ZC3H11A: variants seen among roughly 807,000 people sequenced by gnomAD.
ZC3H11A encodes zinc finger CCCH-type containing 11A.
In ZC3H11A, 22 loss-of-function variants were observed where a neutral mutation model predicts 90.8. The ratio of observed to expected loss-of-function variants is 0.24; its 90% CI spans 0.17 to 0.35. ZC3H11A has a LOEUF of 0.35. Among genes scored for constraint, ZC3H11A ranks in the 10% least tolerant of loss-of-function variants. The pLI is 1.00. For missense variants in ZC3H11A, 701 were observed against 964.9 expected, an observed-to-expected ratio of 0.73 and a Z score of 3.62; for synonymous variants, 294 against 339.8, an observed-to-expected ratio of 0.87 and a Z score of 1.48.
intron 2 of ZC3H11A, among the ~76,000 whole-genome samples, chr1:203,809,481 C>CT (rs556683369): frequency 1.3e-5 from 2 of 152,036 alleles, no homozygotes; most frequent in African/African-American, 4.8e-5. Context: ...CAGCCCCACT[C>CT]TTTTTTCATA....
rs996980429 is a variant in ZC3H11A at position 203,801,711 on chromosome 1, T to G, written c.-1451T>G. On this transcript the variant is annotated 5_prime_UTR_variant, in exon 2 of 18. Transcript: ENST00000367210. The stretch of plus-strand genomic sequence containing the variant: ...TATTTGGCAAGATTTAGCCTAGAAA[T>G]TATGTAGTATTTATTACATAAGAAT... The G allele has an allele frequency of 6.5e-6, 1 of 152,704 alleles. No homozygotes were observed. The highest frequency in any genetic ancestry group is 1.5e-5 in the Non-Finnish European group (1 of 68,006). The allele number at this position is 152,704 out of a possible 1,614,324, so 9.5% of individuals were successfully genotyped here. A position where few individuals can be genotyped will look rare whatever the true frequency, so the allele number is the denominator to read the frequency against.
intron 2 of ZC3H11A, among the ~76,000 whole-genome samples, chr1:203,810,989 A>C (rs1225651341): frequency 2.0e-5 from 3 of 151,920 alleles, no homozygotes; most frequent in Non-Finnish European, 4.4e-5. Context: ...AAAAAAAAAA[A>C]AATTAGCAGG....
intron 10 of ZC3H11A, among the ~76,000 whole-genome samples, chr1:203,834,587 G>A (rs773171701): frequency 1.3e-5 from 2 of 152,040 alleles, no homozygotes; most frequent in African/African-American, 4.8e-5. Context: ...TTTATTTTTG[G>A]GGGAGTACTT....
intron 17 of ZC3H11A, among the ~76,000 whole-genome samples, chr1:203,851,820 A>G (rs182115888): frequency 2.0e-5 from 3 of 151,888 alleles, no homozygotes; most frequent in African/African-American, 7.2e-5. Flanking sequence ...AGAAATAAAA[A>G]AAAAATCACA....
intron 8 of ZC3H11A, 117 bp from the exon 9 acceptor site, chr1:203,831,544 T>G: frequency 1.3e-6 from 1 of 780,262 alleles, no homozygotes. Flanking sequence ...GCTGATTGGC[T>G]TATAGTCATA....
At chr1:203,799,250 T>A in intron 1 of ZC3H11A, 3 of 810,808 alleles carry the variant, frequency 3.7e-6, no homozygotes, top group Non-Finnish European at 6.2e-6. Flanking sequence ...TCAAAGATGG[T>A]GGTTTTACCC....
In ZC3H11A at chr1:203,833,752, T is replaced by C. The variant is rs368829571; in HGVS notation, c.812-39T>C. 3.5e-5 allele frequency: 55 copies of C among 1,581,662 alleles called. No homozygotes were observed. In the African/African-American group the frequency reaches 5.3e-4, roughly 15 times the overall value. ...TTAGTAGTTACTGAATACAGAAAAA[T>C]TGACTAAGGATAGAGAAATTCTGCT... On this transcript the variant is annotated intron_variant, in intron 9 of 17. Transcript: ENST00000367210.
intron 1 of ZC3H11A, chr1:203,799,081 G>T: frequency 2.0e-6 from 3 of 1,536,108 alleles, no homozygotes; most frequent in Non-Finnish European, 2.6e-6. Context: ...CCCGATTTTA[G>T]AAAGTGGGCA....
intron 9 of ZC3H11A, among the ~76,000 whole-genome samples, 173 bp from the exon 10 acceptor site, chr1:203,833,618 G>GTT (rs553171669): frequency 3.2e-5 from 4 of 124,832 alleles, no homozygotes; most frequent in African/African-American, 8.8e-5. Flanking sequence ...ATAGGTTTGG[G>GTT]TTTTTTTTTT....
At chr1:203,804,547 T>C (rs1472525012) in intron 2 of ZC3H11A, among the ~76,000 whole-genome samples, 2 of 152,172 alleles carry the variant, frequency 1.3e-5, no homozygotes, top group East Asian at 3.8e-4. Flanking sequence ...ATTGCTGGTA[T>C]GAAGGAAATT....
At chr1:203,833,993 T>G (rs1683367771) in intron 10 of ZC3H11A, 140 bp downstream of exon 10, 4 of 1,366,224 alleles carry the variant, frequency 2.9e-6, no homozygotes, top group Non-Finnish European at 3.8e-6. Context: ...TCCTCATGTT[T>G]TCATGAGTGC....
At chr1:203,837,763 C>G (rs982323437) in intron 10 of ZC3H11A, among the ~76,000 whole-genome samples, 2 of 152,212 alleles carry the variant, frequency 1.3e-5, no homozygotes, top group Non-Finnish European at 2.9e-5. Flanking sequence ...CAGGCCTGAG[C>G]CACTGCACCT....
At chr1:203,800,343 C>T (rs1032776484) in intron 1 of ZC3H11A, 2 of 893,226 alleles carry the variant, frequency 2.2e-6, no homozygotes, top group South Asian at 1.4e-5. Context: ...TATAGAACAA[C>T]TGATGTTTCT....
At position 203,817,084 on chromosome 1, in the gene ZC3H11A, G is replaced by A. The variant is rs1260470855; in HGVS notation, c.14G>A (p.Gly5Glu). The A allele has an allele frequency of 6.2e-7, 1 of 1,608,986 alleles. No individual in the cohort carries two copies. The highest frequency in any genetic ancestry group is 1.3e-5 in the African/African-American group (1 of 74,680). Reference protein sequence around the residue: MPNQGEDCYFFFYST... With the variant: MPNQEEDCYFFFYST... ...AATCTACCCAGCATGCCTAATCAAG[G>A]AGAAGACTGCTATTTTTTTTTCTAT... is the stretch of plus-strand genomic sequence containing the variant. Residue 5 changes from glycine to glutamate, a missense_variant, in exon 3 of 18, where the codon GGA becomes GAA. By Grantham distance (98) the Gly-to-Glu change is moderately conservative. Around this residue, in one of 4 missense-constraint regions of ZC3H11A, gnomAD observed 59 missense variants for 132.8 expected, o/e 0.44. Transcript: ENST00000367210.
chr1:203,804,704 C>T (rs1193194268), intron 2 of ZC3H11A, among the ~76,000 whole-genome samples: 4 of 138,344 alleles, frequency 2.9e-5, no homozygotes, highest in African/African-American at 1.1e-4. Flanking sequence ...TGGAGTATTG[C>T]TCTCGTTGCC....
chr1:203,842,351 C>T (rs924168611), intron 12 of ZC3H11A, among the ~76,000 whole-genome samples: 1 of 152,204 alleles, frequency 6.6e-6, no homozygotes, highest in African/African-American at 2.4e-5. Context: ...AATCCCGGCA[C>T]CTCGGGAGGC....
At chr1:203,823,997 C>T (rs187888574) in intron 4 of ZC3H11A, among the ~76,000 whole-genome samples, 24 of 152,114 alleles carry the variant, frequency 1.6e-4, no homozygotes, top group African/African-American at 4.8e-4. Flanking sequence ...AGCCGGGCGC[C>T]GTGGCTCATG....
At chr1:203,809,106 A>G (rs1673382254) in intron 2 of ZC3H11A, among the ~76,000 whole-genome samples, 1 of 151,190 alleles carries the variant, frequency 6.6e-6, no homozygotes, top group Admixed American at 6.6e-5. Context: ...CTAGGATTAC[A>G]GGCATGAGCC....
chr1:203,818,834 C>G (rs1437878433), intron 4 of ZC3H11A, 145 bp downstream of exon 4: 25 of 1,290,946 alleles, frequency 1.9e-5, no homozygotes, highest in Middle Eastern at 2.3e-4. Context: ...CTTTGGGAGG[C>G]TGAGGCGGGT....
Sources: gnomAD v4.1 joint callset for allele counts (sites outside exome capture counted in the v4.1 genomes callset) on GRCh38, gnomAD v4.1.1 for gene constraint, gnomAD v4.1.1 regional missense constraint, MANE v1.5 for transcripts, NCBI Gene and HGNC (gene_info 2026-07-23, HGNC 2026-07-21) for gene names.